SLC17A1: variants seen among roughly 807,000 people sequenced by gnomAD.
The protein encoded by SLC17A1 is solute carrier family 17 member 1.
A neutral mutation model predicts 53.5 loss-of-function variants in SLC17A1; 51 were observed. The observed-to-expected ratio is 0.95, with a 90% CI of 0.76 to 1.20. SLC17A1 has a LOEUF of 1.20. Among genes scored for constraint, SLC17A1 ranks in the 50% most tolerant of loss-of-function variants. The pLI, the probability that SLC17A1 is intolerant of heterozygous loss-of-function variation, is 0.00. For missense variants in SLC17A1, 538 were observed against 568.2 expected, an observed-to-expected ratio of 0.95 and a Z score of 0.54; for synonymous variants, 179 against 198.8, an observed-to-expected ratio of 0.90 and a Z score of 0.84.
chr6:25,809,225 A>T (rs1764063953), intron 10 of SLC17A1, among the ~76,000 whole-genome samples: 1 of 152,174 alleles, frequency 6.6e-6, no homozygotes, highest in East Asian at 1.9e-4. Context: ...AGTGTAGAAT[A>T]ACAGACATTA....
At chr6:25,826,212 G>A (rs138789514) in intron 3 of SLC17A1, among the ~76,000 whole-genome samples, 63 of 151,930 alleles carry the variant, frequency 4.1e-4, no homozygotes, top group African/African-American at 1.3e-3. Context: ...TTTCTTGATT[G>A]TAAAGAAGCC....
the SLC17A1 span, among the ~76,000 whole-genome samples, chr6:25,724,990 T>C: frequency 3.9e-5 from 4 of 103,390 alleles, no homozygotes; most frequent in Admixed American, 4.3e-4. Context: ...ATCAAGTGTT[T>C]AGCAGTTTTT....
intron 6 of SLC17A1, among the ~76,000 whole-genome samples, chr6:25,815,727 C>T (rs1764328405): frequency 6.6e-6 from 1 of 152,106 alleles, no homozygotes; most frequent in South Asian, 2.1e-4. Context: ...CTTCCACTCT[C>T]CAGGAGTGGT....
At chr6:25,756,245 C>CGCCATGTTG in the SLC17A1 span, among the ~76,000 whole-genome samples, 1 of 152,104 alleles carries the variant, frequency 6.6e-6, no homozygotes, top group African/African-American at 2.4e-5. Flanking sequence ...CACTCTGCAT[C>CGCCATGTTG]GCCATGTTGG....
At chr6:25,781,648 G>A (rs954018756), downstream of SLC17A1, among the ~76,000 whole-genome samples, 9 of 152,172 alleles carry the variant, frequency 5.9e-5, no homozygotes, top group East Asian at 1.9e-4. Flanking sequence ...AAGTGAAGGA[G>A]TGTAGGCCTG....
At chr6:25,760,250 T>C in the SLC17A1 span, among the ~76,000 whole-genome samples, 5 of 152,234 alleles carry the variant, frequency 3.3e-5, no homozygotes, top group Admixed American at 3.3e-4. Flanking sequence ...ATTATTCCAA[T>C]AGTTTCCTAC....
chr6:25,786,201 A>G (rs368128424), intron 12 of SLC17A1, among the ~76,000 whole-genome samples: 14 of 152,392 alleles, frequency 9.2e-5, no homozygotes, highest in African/African-American at 3.1e-4. Context: ...AAAACATGTC[A>G]AGTGAAACAG....
intron 6 of SLC17A1, among the ~76,000 whole-genome samples, chr6:25,815,624 C>T (rs373975300): frequency 2.0e-5 from 3 of 152,112 alleles, no homozygotes; most frequent in Admixed American, 1.3e-4. Flanking sequence ...CTCCTAACTA[C>T]GTGCTTCAAG....
At chr6:25,811,329 T>C (rs1357521472) in intron 10 of SLC17A1, 69 bp downstream of exon 10, 6 of 1,456,518 alleles carry the variant, frequency 4.1e-6, no homozygotes, top group Non-Finnish European at 5.6e-6. Context: ...AATCATCATG[T>C]TGTGCACAAT....
At chr6:25,764,614 G>C in the SLC17A1 span, among the ~76,000 whole-genome samples, 15,836 of 152,254 alleles carry the variant, frequency 0.1, 1,044 homozygotes, top group Middle Eastern at 0.16. Flanking sequence ...AGGGTGCAGT[G>C]TTATAGGAAG....
chr6:25,731,651 GA>G, the SLC17A1 span: 1 of 574,254 alleles, frequency 1.7e-6, no homozygotes, highest in Non-Finnish European at 2.8e-6. Context: ...CCTAGTCTAG[GA>G]AAAAATTATC....
the SLC17A1 span, chr6:25,776,908 G>T: frequency 6.2e-7 from 1 of 1,613,766 alleles, no homozygotes; most frequent in Non-Finnish European, 8.5e-7. Context: ...TCTGCCATCA[G>T]CAGCTTCTGT....
At chr6:25,726,287 G>A in the SLC17A1 span, 3 of 1,614,084 alleles carry the variant, frequency 1.9e-6, no homozygotes, top group Admixed American at 1.7e-5. Flanking sequence ...AGGTGGCGGG[G>A]AATAATGCGA....
chr6:25,783,578 A>G (rs1015973804), intron 12 of SLC17A1, among the ~76,000 whole-genome samples: 1 of 152,160 alleles, frequency 6.6e-6, no homozygotes, highest in Non-Finnish European at 1.5e-5. Context: ...CTGAAAACAA[A>G]ACAAATCCAA....
intron 3 of SLC17A1, 94 bp from the exon 4 acceptor site, chr6:25,820,009 A>G: frequency 2.6e-6 from 2 of 782,108 alleles, no homozygotes; most frequent in South Asian, 3.5e-5. Flanking sequence ...GGCTCACCTC[A>G]TGGAAAGTAG....
chr6:25,819,463 C>G (rs376668581), intron 5 of SLC17A1, 48 bp downstream of exon 5: 1 of 1,409,666 alleles, frequency 7.1e-7, no homozygotes, highest in African/African-American at 1.4e-5. Flanking sequence ...GAATGTAATA[C>G]AATGAGATGA....
the SLC17A1 span, among the ~76,000 whole-genome samples, chr6:25,730,127 C>T: frequency 1.3e-5 from 2 of 152,002 alleles, no homozygotes; most frequent in African/African-American, 4.8e-5. Flanking sequence ...AAAAATAGAA[C>T]TACCATATAA....
chr6:25,724,152 G>A, the SLC17A1 span, among the ~76,000 whole-genome samples: 23 of 152,154 alleles, frequency 1.5e-4, no homozygotes, highest in African/African-American at 4.8e-4. Flanking sequence ...GGCTGGGTGC[G>A]GTGGCTAACA....
At position 25,797,653 on chromosome 6, in the gene SLC17A1, A is replaced by G. The variant is rs949032587; in HGVS notation, c.*2+1130T>C. On this transcript the variant is annotated intron_variant, in intron 12 of 12. Transcript: ENST00000244527. ...GGAGTCTTGCTCTGTCACCCAGGCT[A>G]AAGTGCAGTGATCTCGGCTCAATGC... is the stretch of plus-strand genomic sequence containing the variant. Among the ~76,000 whole-genome samples, 77 of 151,350 alleles carry G rather than the reference A, an allele frequency of 5.1e-4. 1 individual carries two copies. The highest frequency in any genetic ancestry group is 2.6e-4 in the Admixed American group (4 of 15,154).
Sources: allele counts gnomAD v4.1 joint callset (sites outside exome capture counted in the v4.1 genomes callset), GRCh38; gene constraint gnomAD v4.1.1; transcripts MANE v1.5; gene names NCBI Gene and HGNC (gene_info 2026-07-23, HGNC 2026-07-21).